The following OR1J2 variants were observed in gnomAD, a reference collection of about 807,000 sequenced individuals.
OR1J2 encodes the protein olfactory receptor family 1 subfamily J member 2.
For missense variants in OR1J2, 304 were observed against 246.1 expected, an observed-to-expected ratio of 1.24 and a Z score of -1.57; for synonymous variants, 142 against 99.7, an observed-to-expected ratio of 1.42 and a Z score of -2.52.
At chr9:122,553,413 A>T in the OR1J2 span, 29 of 1,613,998 alleles carry the variant, frequency 1.8e-5, no homozygotes, top group Admixed American at 2.7e-4. Context: ...CTTTCTGGCC[A>T]ACCTGTCATT....
the OR1J2 span, among the ~76,000 whole-genome samples, chr9:122,467,710 T>C: frequency 1.3e-5 from 2 of 152,324 alleles, no homozygotes; most frequent in East Asian, 1.9e-4. Flanking sequence ...ACAGTCTCAT[T>C]ATTCTCTGTA....
the OR1J2 span, among the ~76,000 whole-genome samples, chr9:122,517,944 A>T: frequency 6.6e-6 from 1 of 152,144 alleles, no homozygotes; most frequent in Non-Finnish European, 1.5e-5. Flanking sequence ...GCTCTCACTT[A>T]TAAGTGAGAA....
chr9:122,565,766 AT>A, the OR1J2 span, among the ~76,000 whole-genome samples: 26 of 152,094 alleles, frequency 1.7e-4, no homozygotes, highest in Admixed American at 1.7e-3. Flanking sequence ...CAACTTTAAA[AT>A]TTTTCCTTTT....
chr9:122,575,688 GAGAGT>G, the OR1J2 span, among the ~76,000 whole-genome samples: 1 of 152,138 alleles, frequency 6.6e-6, no homozygotes, highest in Non-Finnish European at 1.5e-5. Context: ...GATACATATA[GAGAGT>G]AAAGTGGTTA....
chr9:122,552,623 C>T, the OR1J2 span, among the ~76,000 whole-genome samples: 4 of 151,988 alleles, frequency 2.6e-5, no homozygotes, highest in South Asian at 8.3e-4. Context: ...TATCCTTTGC[C>T]GCTAGTTAGG....
chr9:122,542,948 G>A, the OR1J2 span, among the ~76,000 whole-genome samples: 419 of 152,260 alleles, frequency 2.8e-3, 2 homozygotes, highest in African/African-American at 9.3e-3. Context: ...TGTCAGTAAC[G>A]TATGTTTTCA....
the OR1J2 span, among the ~76,000 whole-genome samples, chr9:122,503,992 A>G: frequency 6.6e-6 from 1 of 152,182 alleles, no homozygotes; most frequent in Admixed American, 6.5e-5. Flanking sequence ...AGTTGTATGG[A>G]AATCCTCATG....
chr9:122,518,628 T>A, the OR1J2 span, among the ~76,000 whole-genome samples: 1 of 152,152 alleles, frequency 6.6e-6, no homozygotes, highest in Non-Finnish European at 1.5e-5. Flanking sequence ...AATAGACAAG[T>A]TTTTTTTCTC....
At chr9:122,493,045 G>T in the OR1J2 span, among the ~76,000 whole-genome samples, 1 of 152,148 alleles carries the variant, frequency 6.6e-6, no homozygotes, top group Admixed American at 6.5e-5. Context: ...CTGCATCCTG[G>T]TATGAAACCC....
the OR1J2 span, among the ~76,000 whole-genome samples, chr9:122,478,363 A>G: frequency 6.6e-6 from 1 of 152,324 alleles, no homozygotes; most frequent in South Asian, 2.1e-4. Context: ...TCTTGACTCC[A>G]TAGTTTCTTC....
At chr9:122,466,475 T>A in the OR1J2 span, among the ~76,000 whole-genome samples, 2 of 152,184 alleles carry the variant, frequency 1.3e-5, no homozygotes, top group African/African-American at 2.4e-5. Context: ...AGAGTACACA[T>A]GGAATGGAAA....
chr9:122,472,117 C>A, the OR1J2 span, among the ~76,000 whole-genome samples: 1 of 152,096 alleles, frequency 6.6e-6, no homozygotes. Flanking sequence ...CCCTAATGGG[C>A]CTTTCAAAGT....
At chr9:122,463,337 T>A in the OR1J2 span, among the ~76,000 whole-genome samples, 1 of 152,194 alleles carries the variant, frequency 6.6e-6, no homozygotes, top group East Asian at 1.9e-4. Flanking sequence ...ATCCTGTATC[T>A]TTTTTTGATT....
Position 122,511,090 on chromosome 9 carries a change from T to G in OR1J2, c.289T>G (p.Cys97Gly). 8.8e-7 allele frequency: 1 copy of G among 1,135,152 alleles called. No individual in the cohort carries two copies. Among genetic ancestry groups the G allele is most frequent in the Non-Finnish European group, 1.3e-6 (1 of 770,050 alleles). 70.3% of individuals were successfully genotyped at this position (1,135,152 alleles called of 1,614,324 possible). ...GTACAAATCGATCCTCTATGAGGAA[T>G]GCATTTCTCAGATGTATTTTTTTAT... is the stretch of plus-strand genomic sequence containing the variant. ...TKYKSILYEE[C>G]ISQMYFFIFF... Residue 97 changes from cysteine (C) to glycine (G), a missense_variant, in exon 1 of 1, where the codon TGC (cysteine) becomes GGC (glycine). Coordinates refer to ENST00000335302, the MANE Select transcript of OR1J2 (RefSeq NM_054107.1).
At chr9:122,465,413 C>A in the OR1J2 span, among the ~76,000 whole-genome samples, 1 of 152,106 alleles carries the variant, frequency 6.6e-6, no homozygotes, top group African/African-American at 2.4e-5. Context: ...TCCTAAAGCA[C>A]GTAATTATAA....
chr9:122,521,912 C>T, the OR1J2 span, among the ~76,000 whole-genome samples: 1 of 152,196 alleles, frequency 6.6e-6, no homozygotes, highest in Non-Finnish European at 1.5e-5. Context: ...AATGACTTTT[C>T]CTCAAGAAAT....
At chr9:122,567,847 G>A in the OR1J2 span, 77 of 1,613,876 alleles carry the variant, frequency 4.8e-5, no homozygotes, top group Non-Finnish European at 6.4e-5. Flanking sequence ...CAGAGAAAAC[G>A]AGTCACCAAA....
At chr9:122,477,880 C>T in the OR1J2 span, 2 of 1,611,212 alleles carry the variant, frequency 1.2e-6, no homozygotes. Context: ...GATGGGGAGG[C>T]CCAGGAGGAG....
At chr9:122,470,180 C>G in the OR1J2 span, among the ~76,000 whole-genome samples, 3 of 152,172 alleles carry the variant, frequency 2.0e-5, no homozygotes, top group African/African-American at 7.2e-5. Flanking sequence ...CATAACAGAC[C>G]TGGAGGTCTA....
Sources: allele counts gnomAD v4.1 joint callset (sites outside exome capture counted in the v4.1 genomes callset), GRCh38; gene constraint gnomAD v4.1.1; transcripts MANE v1.5; gene names NCBI Gene and HGNC (gene_info 2026-07-23, HGNC 2026-07-21).